Variants in PREX2 observed in about 807,000 individuals in gnomAD.
PREX2 encodes the protein phosphatidylinositol-3,4,5-trisphosphate dependent Rac exchange factor 2.
A neutral mutation model predicts 203.2 loss-of-function variants in PREX2; 107 were observed. That is an observed-to-expected ratio of 0.53 (90% confidence interval 0.45 to 0.62). PREX2 has a LOEUF of 0.62. Among genes scored for constraint, PREX2 ranks in the 20% least tolerant of loss-of-function variants. The pLI, the probability that PREX2 is intolerant of heterozygous loss-of-function variation, is 0.00. For synonymous variants in PREX2, 672 were observed against 663.6 expected (o/e 1.01, Z -0.19); for missense variants, 1,777 against 1,955.9 (o/e 0.91, Z 1.72).
chr8:67,964,952 G>A (rs1244580154), intron 1 of PREX2, among the ~76,000 whole-genome samples: 1 of 152,168 alleles, frequency 6.6e-6, no homozygotes, highest in African/African-American at 2.4e-5. Flanking sequence ...TCACAGCCCG[G>A]ACTCTTCTGG....
chr8:67,991,586 G>T (rs959631755), intron 1 of PREX2, among the ~76,000 whole-genome samples: 1 of 152,038 alleles, frequency 6.6e-6, no homozygotes, highest in African/African-American at 2.4e-5. Context: ...ATCAGAATTC[G>T]CTAACTATCA....
At chr8:68,229,078 T>C (rs1813116552) in intron 39 of PREX2, among the ~76,000 whole-genome samples, 1 of 152,054 alleles carries the variant, frequency 6.6e-6, no homozygotes, top group Admixed American at 6.5e-5. Context: ...AGAGTATGAT[T>C]GATGCTTTAA....
chr8:68,151,523 G>A (rs1470280605), intron 34 of PREX2, among the ~76,000 whole-genome samples: 1 of 152,060 alleles, frequency 6.6e-6, no homozygotes, highest in African/African-American at 2.4e-5. Flanking sequence ...TGTTAAGCAC[G>A]GTCATTTCTG....
chr8:68,170,942 A>G (rs1295695772), intron 35 of PREX2, among the ~76,000 whole-genome samples: 1 of 152,222 alleles, frequency 6.6e-6, no homozygotes, highest in Non-Finnish European at 1.5e-5. Flanking sequence ...ACATTTACAG[A>G]TAAAATGTAA....
chr8:68,033,641 A>C (rs939306257), intron 6 of PREX2, among the ~76,000 whole-genome samples: 2 of 152,162 alleles, frequency 1.3e-5, no homozygotes, highest in African/African-American at 4.8e-5. Flanking sequence ...GCTAAAGTGA[A>C]TAAGCTCAAA....
Position 68,191,781 on chromosome 8 carries a change from T to C in PREX2, c.4406T>C (p.Val1469Ala). Residue 1469 changes from valine (V) to alanine (A), a missense_variant, in exon 36 of 40, where the codon GTA (valine) becomes GCA (alanine). Coordinates refer to ENST00000288368, the MANE Select transcript of PREX2 (RefSeq NM_024870.4). ...AACTCCACATCCAAAGCTGCCTATGTAGATAAGGTAAAAACAGATGATTAT... is the reference window on the plus strand; with the variant it reads ...AACTCCACATCCAAAGCTGCCTATGCAGATAAGGTAAAAACAGATGATTAT... ...PPNSTSKAAY[V>A]DKLMRPLNAL... 6.3e-7 allele frequency: 1 copy of C among 1,599,710 alleles called. No individual in the cohort carries two copies. The highest frequency in any genetic ancestry group is 8.6e-7 in the Non-Finnish European group (1 of 1,167,166).
intron 31 of PREX2, among the ~76,000 whole-genome samples, chr8:68,132,115 T>C (rs1018048897): frequency 1.3e-5 from 2 of 152,156 alleles, no homozygotes; most frequent in Non-Finnish European, 2.9e-5. Flanking sequence ...ATCCAGATAT[T>C]TCAAGAAACC....
chr8:68,030,814 A>ATTTTAAAGTATC (rs1201990498), intron 6 of PREX2, among the ~76,000 whole-genome samples, 156 bp downstream of exon 6: 6 of 152,194 alleles, frequency 3.9e-5, no homozygotes, highest in African/African-American at 1.4e-4. Flanking sequence ...TTTCATCATT[A>ATTTTAAAGTATC]TTTTAAAGTA....
chr8:68,093,585 C>A lies in PREX2; in HGVS notation c.2251-20C>A, dbSNP rs749411297. 2 of 1,289,332 alleles carry A rather than the reference C, an allele frequency of 1.6e-6. No individual in the cohort carries two copies. The highest frequency in any genetic ancestry group is 2.2e-6 in the Non-Finnish European group (2 of 897,424). The allele number at this position is 1,289,332 out of a possible 1,614,324, so 79.9% of individuals were successfully genotyped here. On this transcript the variant is annotated intron_variant, in intron 20 of 39. Transcript: ENST00000288368. ...GGAAGCACTAATACCTCTGAGGTTT[C>A]TTTCCCCCCTCATTTCCAGCAAGAT...
chr8:68,068,941 AT>A, intron 11 of PREX2, 91 bp from the exon 12 acceptor site: 1 of 496,378 alleles, frequency 2.0e-6, no homozygotes, highest in Non-Finnish European at 3.4e-6. Context: ...AAGTTTTAGT[AT>A]TTGGGAATAA....
At chr8:68,143,755 T>A (rs1811271550) in intron 33 of PREX2, among the ~76,000 whole-genome samples, 2 of 152,184 alleles carry the variant, frequency 1.3e-5, no homozygotes, top group African/African-American at 4.8e-5. Context: ...TTTCTGAAAG[T>A]CATCAGTATT....
intron 6 of PREX2, among the ~76,000 whole-genome samples, chr8:68,031,812 A>G (rs1359490230): frequency 6.6e-6 from 1 of 152,196 alleles, no homozygotes; most frequent in Non-Finnish European, 1.5e-5. Flanking sequence ...GATGAGAAGA[A>G]TGGACTCAAG....
chr8:68,224,572 A>T lies in PREX2; in HGVS notation c.4721A>T (p.Gln1574Leu). 6.2e-7 allele frequency: 1 copy of T among 1,613,874 alleles called. No homozygotes were observed. Among genetic ancestry groups the T allele is most frequent in the Non-Finnish European group, 8.5e-7 (1 of 1,179,814 alleles). ...DVMRKQGARV[Q>L]NTAKNLGVRD... ...CCTGACTTTCAGGGAGCAAGAGTTCAGAACACAGCGAAGAATTTGGGAGTC... is the reference window on the plus strand; with the variant it reads ...CCTGACTTTCAGGGAGCAAGAGTTCTGAACACAGCGAAGAATTTGGGAGTC... The change falls in exon 39 of 40, where the codon CAG becomes CTG. Residue 1574 changes from glutamine to leucine, a missense_variant. Physicochemically the swap from Gln to Leu is moderately radical, Grantham distance 113 (BLOSUM62 -2). Transcript: ENST00000288368.
At position 68,108,237 on chromosome 8, in the gene PREX2, C is replaced by T; in HGVS notation, c.2844C>T (p.Pro948=). Reference sequence around the variant, plus strand: ...TCAATGTGATGGAAGTTTCTTATCCCAAAACATCAACCTCTTTGGGAAGTG... The same window carrying T: ...TCAATGTGATGGAAGTTTCTTATCCTAAAACATCAACCTCTTTGGGAAGTG... ...CHVNVMEVSY[P]KTSTSLGSAF... The change falls in exon 24 of 40, where the codon CCC becomes CCT. Residue 948 remains proline, a synonymous_variant. Coordinates refer to ENST00000288368, the MANE Select transcript of PREX2 (RefSeq NM_024870.4). The T allele has an allele frequency of 1.9e-6, 3 of 1,613,968 alleles. No individual in the cohort carries two copies. Among genetic ancestry groups the T allele is most frequent in the Non-Finnish European group, 2.5e-6 (3 of 1,179,884 alleles).
rs1397213690 is a variant in PREX2, at chr8:67,952,550, C to G, written c.141+15C>G. 1 of 1,606,464 alleles carries G rather than the reference C, an allele frequency of 6.2e-7. No individual in the cohort carries two copies. The highest frequency in any genetic ancestry group is 8.5e-7 in the Non-Finnish European group (1 of 1,176,598). ...TCCTGGTGTCGGTGAGTGTCCCCGG[C>G]AGACGCAGGGGGACGTCCGGGCGGC... On this transcript the variant is annotated intron_variant, in intron 1 of 39. Coordinates refer to ENST00000288368, the MANE Select transcript of PREX2 (RefSeq NM_024870.4).
intron 34 of PREX2, among the ~76,000 whole-genome samples, chr8:68,152,585 C>T (rs1298363030): frequency 6.6e-6 from 1 of 152,046 alleles, no homozygotes; most frequent in African/African-American, 2.4e-5. Flanking sequence ...TTTCACACAC[C>T]AACAATCATG....
chr8:68,112,227 A>G (rs1810549021), intron 25 of PREX2, among the ~76,000 whole-genome samples: 1 of 152,250 alleles, frequency 6.6e-6, no homozygotes, highest in South Asian at 2.1e-4. Context: ...TTGGAAAGTT[A>G]AAGACTTTTG....
chr8:68,212,266 A>G (rs370735423), intron 37 of PREX2, among the ~76,000 whole-genome samples: 16 of 152,308 alleles, frequency 1.1e-4, no homozygotes, highest in African/African-American at 2.6e-4. Flanking sequence ...CTTCGCTAGT[A>G]CCATTCCACT....
intron 35 of PREX2, among the ~76,000 whole-genome samples, chr8:68,179,086 A>G (rs1009857674): frequency 6.6e-6 from 1 of 152,148 alleles, no homozygotes; most frequent in Non-Finnish European, 1.5e-5. Context: ...CCTACTGTGC[A>G]TGATGATGGT....
Sources: gnomAD v4.1 joint callset for allele counts (sites outside exome capture counted in the v4.1 genomes callset) on GRCh38, gnomAD v4.1.1 for gene constraint, MANE v1.5 for transcripts, NCBI Gene and HGNC (gene_info 2026-07-23, HGNC 2026-07-21) for gene names.